The following TTC7B variants were observed in gnomAD, a reference collection of about 807,000 sequenced individuals.
The protein encoded by TTC7B is tetratricopeptide repeat protein 7B.
Under a neutral mutation model 106.8 loss-of-function variants are expected in TTC7B, and 28 were observed. That is an observed-to-expected ratio of 0.26 (90% CI 0.19 to 0.36). The LOEUF is 0.36. TTC7B is among the 10% of genes least tolerant of loss of function. The pLI, the probability that TTC7B is intolerant of heterozygous loss-of-function variation, is 1.00. For missense variants in TTC7B, 862 were observed against 1,076.4 expected (o/e 0.80, Z 2.79); for synonymous variants, 405 against 430.6 (o/e 0.94, Z 0.74).
chr14:90,790,651 T>C (rs1891556551), intron 1 of TTC7B, among the ~76,000 whole-genome samples: 1 of 151,998 alleles, frequency 6.6e-6, no homozygotes, highest in Non-Finnish European at 1.5e-5. Flanking sequence ...ATGGCTCCTC[T>C]GGGCAGAATC....
intron 15 of TTC7B, among the ~76,000 whole-genome samples, chr14:90,618,803 C>G (rs1315725810): frequency 1.3e-5 from 2 of 152,364 alleles, no homozygotes; most frequent in African/African-American, 4.8e-5. Context: ...CTTGTCACCA[C>G]TATCCTAGTA....
intron 13 of TTC7B, among the ~76,000 whole-genome samples, chr14:90,648,137 T>C (rs1212999661): frequency 6.6e-6 from 1 of 152,060 alleles, no homozygotes; most frequent in Non-Finnish European, 1.5e-5. Context: ...TAGGTCATTG[T>C]TTATGCAAAT....
chr14:90,693,775 C>A (rs1240826842), intron 6 of TTC7B, among the ~76,000 whole-genome samples: 1 of 152,176 alleles, frequency 6.6e-6, no homozygotes, highest in African/African-American at 2.4e-5. Flanking sequence ...TAATATGGTA[C>A]AGCTGCTTTG....
At chr14:90,672,879 C>G (rs910251157) in intron 9 of TTC7B, among the ~76,000 whole-genome samples, 28 of 152,178 alleles carry the variant, frequency 1.8e-4, no homozygotes, top group Non-Finnish European at 8.8e-5. Flanking sequence ...GTGCTGGGCT[C>G]TGTTCTGAGT....
intron 4 of TTC7B, among the ~76,000 whole-genome samples, chr14:90,732,805 A>G (rs1291844036): frequency 2.0e-5 from 3 of 152,006 alleles, no homozygotes; most frequent in African/African-American, 4.8e-5. Flanking sequence ...TCATAATCCA[A>G]TCTGGATTAT....
chr14:90,801,705 C>G (rs2030277829), intron 1 of TTC7B, among the ~76,000 whole-genome samples: 2 of 152,162 alleles, frequency 1.3e-5, no homozygotes, highest in Non-Finnish European at 1.5e-5. Context: ...ACCATGTCTG[C>G]TACCAAAACC....
At chr14:90,678,891 G>A (rs916875359) in intron 8 of TTC7B, among the ~76,000 whole-genome samples, 1 of 152,176 alleles carries the variant, frequency 6.6e-6, no homozygotes, top group Non-Finnish European at 1.5e-5. Context: ...AATCTAAAAT[G>A]TACAGTCATC....
intron 5 of TTC7B, among the ~76,000 whole-genome samples, chr14:90,720,566 C>T (rs1232389057): frequency 3.9e-5 from 6 of 152,114 alleles, no homozygotes; most frequent in Admixed American, 6.5e-5. Context: ...TGTTCATTCA[C>T]GATACTCCCA....
At chr14:90,541,700 C>T in intron 19 of TTC7B, 111 bp from the exon 20 acceptor site, 1 of 838,382 alleles carries the variant, frequency 1.2e-6, no homozygotes, top group Non-Finnish European at 1.8e-6. Flanking sequence ...GAATATATCG[C>T]CATTGGGCTG....
At chr14:90,603,236 ATTG>A in intron 17 of TTC7B, 1 of 1,285,846 alleles carries the variant, frequency 7.8e-7, no homozygotes, top group Non-Finnish European at 1.0e-6. Context: ...GGATTAATAG[ATTG>A]GTAAACTACT....
intron 1 of TTC7B, among the ~76,000 whole-genome samples, chr14:90,803,058 G>T (rs919459091): frequency 1.3e-5 from 2 of 151,584 alleles, no homozygotes; most frequent in Middle Eastern, 3.4e-3. Context: ...CAGGAGAATC[G>T]CTTGAAACCG....
intron 2 of TTC7B, among the ~76,000 whole-genome samples, chr14:90,782,192 CA>C (rs924813021): frequency 5.2e-4 from 73 of 139,708 alleles, no homozygotes; most frequent in African/African-American, 1.7e-3. Flanking sequence ...GTGCAGTGGA[CA>C]AGCAGGACTG....
intron 1 of TTC7B, among the ~76,000 whole-genome samples, chr14:90,795,733 A>G (rs1164888183): frequency 2.6e-5 from 4 of 152,172 alleles, no homozygotes; most frequent in Admixed American, 6.5e-5. Context: ...AGGATTGACT[A>G]TTTCCCAGAA....
In TTC7B at chr14:90,685,277, C is replaced by T. The variant is rs575110980; in HGVS notation, c.950+4263G>A. 5.9e-5 allele frequency among the ~76,000 whole-genome samples: 9 copies of T among 152,270 alleles called. No homozygotes were observed. The South Asian group carries it at 1.4e-3, about 25-fold the overall frequency. ...CAAAATGAGGTTTGCACATTATCTA[C>T]GGATTCCCTTTCCCACCTCCAAACC... On this transcript the variant is annotated intron_variant, in intron 7 of 19. Transcript: ENST00000328459.
intron 16 of TTC7B, among the ~76,000 whole-genome samples, chr14:90,613,823 C>A (rs564813062): frequency 6.6e-6 from 1 of 152,390 alleles, no homozygotes; most frequent in East Asian, 1.9e-4. Flanking sequence ...GACCCCAGAT[C>A]CATGGTATGT....
At chr14:90,652,937 C>A (rs1885793331) in intron 12 of TTC7B, 39 bp from the exon 13 acceptor site, 7 of 1,609,660 alleles carry the variant, frequency 4.3e-6, no homozygotes, top group Non-Finnish European at 6.0e-6. Flanking sequence ...CATGGGGGAT[C>A]AGGGAATTTT....
chr14:90,602,393 A>T (rs1254929753), intron 17 of TTC7B, among the ~76,000 whole-genome samples: 1 of 152,214 alleles, frequency 6.6e-6, no homozygotes, highest in African/African-American at 2.4e-5. Flanking sequence ...GTCACTAATG[A>T]CTTAAACACT....
chr14:90,607,554 A>G (rs1892695799), intron 17 of TTC7B, among the ~76,000 whole-genome samples: 1 of 152,206 alleles, frequency 6.6e-6, no homozygotes, highest in East Asian at 1.9e-4. Flanking sequence ...CTTTGCCTCT[A>G]TAGCCCAGTC....
intron 3 of TTC7B, among the ~76,000 whole-genome samples, chr14:90,758,017 C>T (rs1366070247): frequency 5.9e-5 from 9 of 152,050 alleles, no homozygotes; most frequent in Non-Finnish European, 1.2e-4. Flanking sequence ...AATAAAGGGG[C>T]ACATCGGTGA....
Sources: gnomAD v4.1 joint callset for allele counts (sites outside exome capture counted in the v4.1 genomes callset) on GRCh38, gnomAD v4.1.1 for gene constraint, MANE v1.5 for transcripts, NCBI Gene and HGNC (gene_info 2026-07-23, HGNC 2026-07-21) for gene names.